Variants in NAALADL2 observed in about 807,000 individuals in gnomAD.
NAALADL2 encodes the protein N-acetylated alpha-linked acidic dipeptidase like 2.
In NAALADL2, 76 loss-of-function variants were observed where a neutral mutation model predicts 87.2. The ratio of observed to expected loss-of-function variants is 0.87; its 90% confidence interval spans 0.72 to 1.05. NAALADL2 has a LOEUF of 1.05. NAALADL2 is among the 50% of genes least tolerant of loss of function. The pLI, the probability that NAALADL2 is intolerant of heterozygous loss-of-function variation, is 0.00. For synonymous variants in NAALADL2, 354 were observed against 331.0 expected, an observed-to-expected ratio of 1.07 and a Z score of -0.75; for missense variants, 1,089 against 945.8, an observed-to-expected ratio of 1.15 and a Z score of -1.99.
At chr3:174,830,277 T>G (rs2109365785) in intron 3 of NAALADL2, among the ~76,000 whole-genome samples, 1 of 150,036 alleles carries the variant, frequency 6.7e-6, no homozygotes, top group African/African-American at 2.4e-5. Context: ...TTAATCCATC[T>G]TGAATCGATT....
chr3:174,780,443 C>G (rs543098315), intron 3 of NAALADL2, among the ~76,000 whole-genome samples: 1 of 152,216 alleles, frequency 6.6e-6, no homozygotes, highest in South Asian at 2.1e-4. Context: ...GACAATTTGA[C>G]CTCCTCTCTT....
At chr3:174,878,731 C>T (rs1728821621) in intron 1 of NAALADL2, among the ~76,000 whole-genome samples, 1 of 151,824 alleles carries the variant, frequency 6.6e-6, no homozygotes, top group African/African-American at 2.4e-5. Flanking sequence ...TCCTATAGAC[C>T]CCACCCCTTC....
At chr3:175,322,859 G>A (rs953867664) in intron 4 of NAALADL2, among the ~76,000 whole-genome samples, 17 of 149,972 alleles carry the variant, frequency 1.1e-4, no homozygotes, top group Non-Finnish European at 2.4e-4. Flanking sequence ...AGAGGATGTG[G>A]AGAAATAGGA....
At chr3:175,035,783 C>A (rs76580447) in intron 1 of NAALADL2, among the ~76,000 whole-genome samples, 1,584 of 152,162 alleles carry the variant, frequency 0.01, 32 homozygotes, top group African/African-American at 0.037. Flanking sequence ...AAAATATGTT[C>A]TCCAGACCTC....
intron 2 of NAALADL2, among the ~76,000 whole-genome samples, chr3:174,556,494 G>A (rs1004906008): frequency 2.7e-5 from 4 of 149,736 alleles, no homozygotes; most frequent in Non-Finnish European, 3.0e-5. Context: ...ACATTTTGAC[G>A]TGTTTCTTAA....
chr3:174,499,876 G>A (rs182054141), intron 1 of NAALADL2, among the ~76,000 whole-genome samples: 3 of 151,980 alleles, frequency 2.0e-5, no homozygotes, highest in African/African-American at 4.8e-5. Context: ...CTGCAAATTT[G>A]TTCTTCGTTT....
At chr3:175,238,844 G>A (rs1233358764) in intron 3 of NAALADL2, among the ~76,000 whole-genome samples, 1 of 152,040 alleles carries the variant, frequency 6.6e-6, no homozygotes, top group Admixed American at 6.5e-5. Context: ...CATTGTGTTT[G>A]CATGAATTTC....
At chr3:175,282,880 A>G (rs1754484009) in intron 4 of NAALADL2, among the ~76,000 whole-genome samples, 1 of 149,058 alleles carries the variant, frequency 6.7e-6, no homozygotes, top group Non-Finnish European at 1.5e-5. Context: ...TACAGATACT[A>G]CATCTGGTTT....
chr3:175,442,429 T>G (rs2149206627), intron 5 of NAALADL2, among the ~76,000 whole-genome samples: 1 of 152,238 alleles, frequency 6.6e-6, no homozygotes, highest in South Asian at 2.1e-4. Context: ...AGAACACAAC[T>G]TACTTATTTT....
chr3:175,675,989 T>G (rs1245641774), intron 11 of NAALADL2: 1 of 152,136 alleles, frequency 6.6e-6, no homozygotes, highest in Non-Finnish European at 1.5e-5. Flanking sequence ...AGCTTAGATA[T>G]TTTAGCTAAG....
At chr3:175,236,375 G>C (rs1416630719) in intron 3 of NAALADL2, among the ~76,000 whole-genome samples, 2 of 151,606 alleles carry the variant, frequency 1.3e-5, no homozygotes, top group African/African-American at 2.4e-5. Context: ...GTGAAACCCT[G>C]TCTCTACTAA....
At chr3:174,939,871 G>A (rs1579631174) in intron 1 of NAALADL2, among the ~76,000 whole-genome samples, 1 of 152,038 alleles carries the variant, frequency 6.6e-6, no homozygotes, top group South Asian at 2.1e-4. Flanking sequence ...TTAAAATGTT[G>A]CTGAAGCTGT....
intron 13 of NAALADL2, among the ~76,000 whole-genome samples, chr3:175,775,942 G>A (rs1226741142): frequency 6.6e-6 from 1 of 152,068 alleles, no homozygotes; most frequent in Non-Finnish European, 1.5e-5. Flanking sequence ...AGCTACAGGA[G>A]CTTTCTGTCT....
At position 175,667,171 on chromosome 3, in the gene NAALADL2, AAGAAAGAAAG is replaced by A. The variant is rs1733142440; in HGVS notation, c.1896+39797_1896+39806del. Among the ~76,000 whole-genome samples, 6 of 139,254 alleles carry A rather than the reference AAGAAAGAAAG, an allele frequency of 4.3e-5. No homozygotes were observed. The South Asian group carries it at 9.0e-4, about 21-fold the overall frequency. 91.4% of individuals were successfully genotyped at this position (139,254 alleles called of 152,430 possible). ...AGAGAGAGAGAAAGAAAAAGAAAGA[AAGAAAGAAAG>A]AGAAAGAAAGAAAGAAAGAAAGAAA... On this transcript the variant is annotated intron_variant, in intron 11 of 13. Transcript: ENST00000454872.
intron 1 of NAALADL2, among the ~76,000 whole-genome samples, chr3:174,917,242 A>G (rs1309086979): frequency 1.3e-5 from 2 of 152,144 alleles, no homozygotes; most frequent in Non-Finnish European, 2.9e-5. Context: ...ATGATCCTTC[A>G]TTTCCAATTC....
At chr3:174,551,256 ATT>A (rs1212903097) in intron 2 of NAALADL2, 1 of 152,094 alleles carries the variant, frequency 6.6e-6, no homozygotes, top group African/African-American at 2.4e-5. Context: ...TTGGTGCTTT[ATT>A]TGATACTACC....
intron 1 of NAALADL2, among the ~76,000 whole-genome samples, chr3:175,049,859 G>A (rs1755146482): frequency 6.6e-6 from 1 of 152,146 alleles, no homozygotes; most frequent in African/African-American, 2.4e-5. Flanking sequence ...TCTGTAATAT[G>A]GACCGCAATT....
chr3:174,518,279 C>T (rs1306153738), intron 1 of NAALADL2, among the ~76,000 whole-genome samples: 1 of 152,164 alleles, frequency 6.6e-6, no homozygotes, highest in Admixed American at 6.5e-5. Context: ...CAGCTACATA[C>T]AAGCAAACTG....
At chr3:175,379,247 T>C (rs910043893) in intron 5 of NAALADL2, among the ~76,000 whole-genome samples, 4 of 151,898 alleles carry the variant, frequency 2.6e-5, no homozygotes, top group East Asian at 1.9e-4. Flanking sequence ...AGTTAGCTCA[T>C]AGGCATGTTG....
Sources: allele counts gnomAD v4.1 joint callset (sites outside exome capture counted in the v4.1 genomes callset), GRCh38; gene constraint gnomAD v4.1.1; transcripts MANE v1.5; gene names NCBI Gene and HGNC (gene_info 2026-07-23, HGNC 2026-07-21).